Variants in RLF observed in about 807,000 individuals in gnomAD.
RLF encodes the protein zinc finger protein Rlf.
In RLF, 7 loss-of-function variants were observed where a neutral mutation model predicts 162.9. That is an observed-to-expected ratio of 0.04 (90% CI 0.02 to 0.08). The LOEUF (loss-of-function observed/expected upper bound fraction) is 0.08. RLF is among the 10% of genes least tolerant of loss of function. The pLI is 1.00. For synonymous variants in RLF, 782 were observed against 791.5 expected (o/e 0.99, Z 0.20); for missense variants, 1,664 against 2,244.7 (o/e 0.74, Z 5.23).
intron 5 of RLF, among the ~76,000 whole-genome samples, chr1:40,208,126 G>A (rs1178388083): frequency 6.6e-6 from 1 of 152,196 alleles, no homozygotes; most frequent in Admixed American, 6.5e-5. Context: ...TTGAGATTTA[G>A]TAGTAACTTG....
At chr1:40,192,422 C>T (rs1196934514) in intron 3 of RLF, among the ~76,000 whole-genome samples, 2 of 152,122 alleles carry the variant, frequency 1.3e-5, no homozygotes, top group East Asian at 3.9e-4. Flanking sequence ...CCGAAATGCT[C>T]CAGTGAGCAT....
chr1:40,201,582 C>T (rs1455447391), intron 4 of RLF, among the ~76,000 whole-genome samples: 3 of 145,432 alleles, frequency 2.1e-5, no homozygotes, highest in African/African-American at 7.7e-5. Flanking sequence ...GCCAAGATCG[C>T]GCCACGGCAC....
intron 3 of RLF, among the ~76,000 whole-genome samples, chr1:40,194,213 A>T (rs1420509605): frequency 6.6e-6 from 1 of 152,106 alleles, no homozygotes; most frequent in East Asian, 1.9e-4. Flanking sequence ...TTAAATAGCA[A>T]TTTTTTAGAC....
At chr1:40,215,268 A>G (rs957549859) in intron 5 of RLF, among the ~76,000 whole-genome samples, 17 of 152,160 alleles carry the variant, frequency 1.1e-4, no homozygotes, top group Admixed American at 2.6e-4. Flanking sequence ...CTTAAACAAT[A>G]CTGTAAACCA....
intron 7 of RLF, among the ~76,000 whole-genome samples, chr1:40,234,204 C>G (rs1472685751): frequency 2.0e-5 from 3 of 152,156 alleles, no homozygotes; most frequent in African/African-American, 7.2e-5. Context: ...CCTGCCTCGG[C>G]CTCCCAAAGT....
At chr1:40,197,455 G>T (rs1251962043) in intron 4 of RLF, among the ~76,000 whole-genome samples, 1 of 152,180 alleles carries the variant, frequency 6.6e-6, no homozygotes, top group Non-Finnish European at 1.5e-5. Context: ...AGAGGAGATT[G>T]CATGTTTTGT....
chr1:40,202,548 A>G lies in RLF; in HGVS notation c.744A>G (p.Ser248=). ...AATCTAAAGAAATTTCAAATGTGTCATCTTTTCAGCAAGCCTATATCACAT... is the reference window on the plus strand; with the variant it reads ...AATCTAAAGAAATTTCAAATGTGTCGTCTTTTCAGCAAGCCTATATCACAT... ...CAESKEISNV[S]SFQQAYITCL... The change falls in exon 5 of 8, where the codon TCA becomes TCG. Residue 248 remains serine (S), a synonymous_variant. Transcript: ENST00000372771. 1 of 1,569,654 alleles carries G rather than the reference A, an allele frequency of 6.4e-7. No individual in the cohort carries two copies. The highest frequency in any genetic ancestry group is 1.2e-5 in the South Asian group (1 of 81,762).
intron 1 of RLF, among the ~76,000 whole-genome samples, chr1:40,180,943 A>G (rs985996767): frequency 3.3e-5 from 5 of 152,226 alleles, no homozygotes; most frequent in African/African-American, 9.6e-5. Flanking sequence ...TTGGTATCAT[A>G]GTCAAAAAAT....
At position 40,161,713 on chromosome 1, in the gene RLF, G is replaced by A; in HGVS notation, c.237+77G>A. 1.9e-6 allele frequency: 3 copies of A among 1,557,060 alleles called. No homozygotes were observed. The highest frequency in any genetic ancestry group is 4.4e-4 in the Middle Eastern group (2 of 4,498). ...GGAGGCCCTGGATCCTCTGTAAGCA[G>A]CCGGGTCCAAACTGAAAGGCGCCAC... On this transcript the variant is annotated intron_variant, in intron 1 of 7. Coordinates refer to ENST00000372771, the MANE Select transcript of RLF (RefSeq NM_012421.4). The surrounding 1 kb of genome is among the most constrained non-coding windows in gnomAD (Gnocchi z 4.4).
At position 40,195,718 on chromosome 1, in the gene RLF, A is replaced by G; in HGVS notation, c.561A>G (p.Pro187=). ...CCAAGGAAGGGGTGTGGAAAAACCC[A>G]GTTCTTCTTAAAATTCTGTCTCAAC... The part of the protein sequence containing the change: ...HVTKEGVWKN[P]VLLKILSQQP... Residue 187 remains proline (P), a synonymous_variant, in exon 4 of 8, where the codon CCA becomes CCG. Coordinates refer to ENST00000372771, the MANE Select transcript of RLF (RefSeq NM_012421.4). 3 of 1,613,862 alleles carry G rather than the reference A, an allele frequency of 1.9e-6. No homozygotes were observed. The highest frequency in any genetic ancestry group is 2.5e-6 in the Non-Finnish European group (3 of 1,179,864).
chr1:40,172,512 C>T (rs1190527732), intron 1 of RLF, among the ~76,000 whole-genome samples: 5 of 152,130 alleles, frequency 3.3e-5, no homozygotes, highest in Admixed American at 6.5e-5. Flanking sequence ...AGGCCGGGTG[C>T]GGCGGCTCAC....
intron 4 of RLF, among the ~76,000 whole-genome samples, chr1:40,200,103 A>T (rs1489003290): frequency 3.3e-5 from 5 of 152,174 alleles, no homozygotes; most frequent in Non-Finnish European, 7.4e-5. Flanking sequence ...TTTGACCTTG[A>T]CTACATATTA....
chr1:40,169,475 G>T (rs1179088240), intron 1 of RLF, among the ~76,000 whole-genome samples: 2 of 150,902 alleles, frequency 1.3e-5, no homozygotes, highest in Admixed American at 6.6e-5. Flanking sequence ...AATTAGCCGG[G>T]CGCGGTGGCG....
At chr1:40,233,245 C>G (rs1643175374) in intron 7 of RLF, among the ~76,000 whole-genome samples, 1 of 152,158 alleles carries the variant, frequency 6.6e-6, no homozygotes, top group African/African-American at 2.4e-5. Flanking sequence ...TATCCTGATT[C>G]ACATTTATTC....
chr1:40,225,896 A>G (rs905452546), intron 6 of RLF, among the ~76,000 whole-genome samples: 1 of 150,104 alleles, frequency 6.7e-6, no homozygotes, highest in Non-Finnish European at 1.5e-5. Context: ...AAAAAAAAAA[A>G]AAAAAAAAGC....
At chr1:40,235,646 A>G (rs1007228722) in intron 7 of RLF, 146 bp from the exon 8 acceptor site, 8 of 605,546 alleles carry the variant, frequency 1.3e-5, no homozygotes, top group Non-Finnish European at 2.2e-5. Flanking sequence ...GACAAGAAAT[A>G]TCTAAATGTA....
chr1:40,171,030 GTTTGTTTT>G lies in RLF; in HGVS notation c.237+9395_237+9402del, dbSNP rs540137522. Among the ~76,000 whole-genome samples the G allele has an allele frequency of 5.6e-3, 783 of 140,624 alleles. 8 individuals carry two copies. Among genetic ancestry groups the G allele is most frequent in the South Asian group, 0.038 (179 of 4,698 alleles). 92.3% of individuals were successfully genotyped at this position (140,624 alleles called of 152,430 possible). Reference sequence around the variant, plus strand: ...AGTGTTTTTGTTTGTTTGTTTGTTTGTTTGTTTTAATTTAGAGACAGGATCGTACTCCC... The same window carrying G: ...AGTGTTTTTGTTTGTTTGTTTGTTTGAATTTAGAGACAGGATCGTACTCCC... On this transcript the variant is annotated intron_variant, in intron 1 of 7. Coordinates refer to ENST00000372771, the MANE Select transcript of RLF (RefSeq NM_012421.4).
chr1:40,212,603 T>A (rs907943977), intron 5 of RLF, among the ~76,000 whole-genome samples: 3 of 152,144 alleles, frequency 2.0e-5, no homozygotes, highest in African/African-American at 7.2e-5. Flanking sequence ...GCTCAAGAAA[T>A]CTGTCAGCAG....
intron 1 of RLF, among the ~76,000 whole-genome samples, chr1:40,174,370 CA>C (rs57362681): frequency 0.017 from 2,130 of 128,214 alleles, 41 homozygotes; most frequent in African/African-American, 0.051. Flanking sequence ...GACTCTGTCT[CA>C]AAAAAAAAAA....
Sources: allele counts gnomAD v4.1 joint callset (sites outside exome capture counted in the v4.1 genomes callset), GRCh38; gene constraint gnomAD v4.1.1; non-coding constraint Gnocchi (gnomAD v3.1); transcripts MANE v1.5; gene names NCBI Gene and HGNC (gene_info 2026-07-23, HGNC 2026-07-21).